CRYBG3: variants seen among roughly 807,000 people sequenced by gnomAD.
The protein encoded by CRYBG3 is very large A-kinase anchor protein.
In CRYBG3, 127 loss-of-function variants were observed where a neutral mutation model predicts 244.2. That is an observed-to-expected ratio of 0.52 (90% confidence interval 0.45 to 0.60). The LOEUF (loss-of-function observed/expected upper bound fraction) is 0.60, where lower values mean the gene tolerates loss of function less well. CRYBG3 is among the 20% of genes least tolerant of loss of function. The probability of loss-of-function intolerance (pLI) is 0.00; values close to 1 mark genes in which losing one functional copy is unlikely to be tolerated. For synonymous variants in CRYBG3, 1,132 were observed against 1,195.8 expected (o/e 0.95, Z 1.10); for missense variants, 3,325 against 3,442.5 (o/e 0.97, Z 0.85).
intron 8 of CRYBG3, among the ~76,000 whole-genome samples, chr3:97,887,670 C>A (rs190500711): frequency 6.6e-6 from 1 of 152,116 alleles, no homozygotes; most frequent in Admixed American, 6.6e-5. Flanking sequence ...GCAGGAGAAT[C>A]GCTTGAACCC....
chr3:97,922,574 G>C (rs1406948787), intron 17 of CRYBG3, among the ~76,000 whole-genome samples: 1 of 152,058 alleles, frequency 6.6e-6, no homozygotes, highest in African/African-American at 2.4e-5. Context: ...GCAGCCAATA[G>C]ACAAATGAAA....
intron 7 of CRYBG3, among the ~76,000 whole-genome samples, chr3:97,885,898 G>C (rs759577981): frequency 6.6e-6 from 1 of 152,198 alleles, no homozygotes; most frequent in Non-Finnish European, 1.5e-5. Flanking sequence ...TTGACTAGTG[G>C]TTGTAAGTAG....
chr3:97,829,514 C>T (rs1271865451), intron 1 of CRYBG3, among the ~76,000 whole-genome samples: 3 of 152,160 alleles, frequency 2.0e-5, no homozygotes, highest in Non-Finnish European at 4.4e-5. Flanking sequence ...TCAGCTTTAG[C>T]GTACCAGCCA....
In CRYBG3 at chr3:97,864,480, T is replaced by G; in HGVS notation, c.480T>G (p.Ser160Arg). 6.5e-7 allele frequency: 1 copy of G among 1,535,970 alleles called. No homozygotes were observed. Among genetic ancestry groups the G allele is most frequent in the Non-Finnish European group, 8.7e-7 (1 of 1,146,812 alleles). ...DKTEKDLQNP[S>R]DHHEDGIKRE... ...CTGAGAAGGATTTACAAAATCCCAG[T>G]GACCATCATGAAGACGGGATCAAAA... is the stretch of plus-strand genomic sequence containing the variant. Residue 160 changes from serine to arginine, a missense_variant, in exon 3 of 22, where the codon AGT (serine) becomes AGG (arginine). Transcript: ENST00000389622.
intron 11 of CRYBG3, among the ~76,000 whole-genome samples, chr3:97,893,928 C>A (rs2039610197): frequency 6.6e-6 from 1 of 152,062 alleles, no homozygotes; most frequent in African/African-American, 2.4e-5. Flanking sequence ...ATACTAGTCA[C>A]AATAAAAATG....
At chr3:97,823,352 A>G (rs903578551) in intron 1 of CRYBG3, among the ~76,000 whole-genome samples, 3 of 152,130 alleles carry the variant, frequency 2.0e-5, no homozygotes, top group Admixed American at 2.0e-4. Context: ...GGTGGGCTTA[A>G]AAAAAATGGA....
chr3:97,837,631 T>A (rs2038752713), intron 1 of CRYBG3, among the ~76,000 whole-genome samples: 1 of 152,100 alleles, frequency 6.6e-6, no homozygotes, highest in African/African-American at 2.4e-5. Context: ...AATGTCCCTG[T>A]GGACAGAGGG....
chr3:97,888,230 G>A lies in CRYBG3; in HGVS notation c.7290-111G>A, dbSNP rs575820253. The A allele has an allele frequency of 6.4e-5, 41 of 635,886 alleles. No individual in the cohort carries two copies. In the East Asian group the frequency reaches 1.0e-3, roughly 16 times the overall value. 39.4% of individuals were successfully genotyped at this position (635,886 alleles called of 1,614,324 possible). Reference sequence around the variant, plus strand: ...CTCACTTTGAGTGTGTTTTACTAGTGTAATTCTGTGATGGAGGATTTTGTT... The same window carrying A: ...CTCACTTTGAGTGTGTTTTACTAGTATAATTCTGTGATGGAGGATTTTGTT... On this transcript the variant is annotated intron_variant, in intron 8 of 21. Transcript: ENST00000389622.
Position 97,876,580 on chromosome 3 carries a change from A to G in CRYBG3, c.5386A>G (p.Ile1796Val). 1.6e-6 allele frequency: 2 copies of G among 1,232,610 alleles called. No homozygotes were observed. The highest frequency in any genetic ancestry group is 1.0e-6 in the Non-Finnish European group (1 of 988,302). The allele number at this position is 1,232,610 out of a possible 1,614,324, so 76.4% of individuals were successfully genotyped here. Residue 1796 changes from isoleucine to valine, a missense_variant, in exon 4 of 22, where the codon ATT (isoleucine) becomes GTT (valine). Physicochemically the swap from Ile to Val is conservative, Grantham distance 29. Transcript: ENST00000389622. The part of the protein sequence containing the change: ...ATYRKTAEEV[I>V]KNTEIVPCVL... Reference sequence around the variant, plus strand: ...TTACCGAAAGACTGCTGAAGAGGTCATTAAGAATACTGAAATAGTACCGTG... The same window carrying G: ...TTACCGAAAGACTGCTGAAGAGGTCGTTAAGAATACTGAAATAGTACCGTG...
At chr3:97,940,658 C>G (rs1559750393) in intron 19 of CRYBG3, among the ~76,000 whole-genome samples, 3 of 151,966 alleles carry the variant, frequency 2.0e-5, no homozygotes, top group Non-Finnish European at 4.4e-5. Flanking sequence ...CTTATATAAA[C>G]AAATAATCAC....
intron 18 of CRYBG3, 50 bp from the exon 19 acceptor site, chr3:97,936,735 A>AT (rs540868658): frequency 5.7e-4 from 886 of 1,561,732 alleles, no homozygotes; most frequent in African/African-American, 1.1e-3. Flanking sequence ...TTGATGAGGG[A>AT]TTTTTTTTTG....
At chr3:97,897,740 C>A (rs531618630) in intron 12 of CRYBG3, among the ~76,000 whole-genome samples, 1 of 152,084 alleles carries the variant, frequency 6.6e-6, no homozygotes, top group Admixed American at 6.6e-5. Flanking sequence ...TTTTTGCATA[C>A]AAGTTTCTCA....
chr3:97,883,453 T>A (rs998078375), intron 7 of CRYBG3, among the ~76,000 whole-genome samples: 9 of 151,982 alleles, frequency 5.9e-5, no homozygotes, highest in African/African-American at 2.2e-4. Flanking sequence ...AAAAAATGAG[T>A]AATATATGGC....
chr3:97,939,829 C>T (rs748801938), intron 19 of CRYBG3, among the ~76,000 whole-genome samples: 2 of 152,022 alleles, frequency 1.3e-5, no homozygotes, highest in Non-Finnish European at 2.9e-5. Context: ...AAGTAGAGAG[C>T]TTGTTCGCCT....
intron 2 of CRYBG3, among the ~76,000 whole-genome samples, chr3:97,851,567 GA>G (rs1374012659): frequency 1.3e-5 from 2 of 152,182 alleles, no homozygotes; most frequent in Non-Finnish European, 2.9e-5. Context: ...CCCAGCAGTG[GA>G]AATAGCATTC....
chr3:97,907,946 G>A (rs1209671263), intron 15 of CRYBG3, among the ~76,000 whole-genome samples: 1 of 151,914 alleles, frequency 6.6e-6, no homozygotes, highest in Non-Finnish European at 1.5e-5. Flanking sequence ...GGTATGTTGT[G>A]TCTTTGTTCC....
rs754930461 is a variant in CRYBG3, at chr3:97,877,968, T to A, written c.6774T>A (p.Ile2258=). ...AAAAAGGAGCCAGATTTGGTGGAATTTTTCAGGAACCAGTGTCAAAATATT... is the reference window on the plus strand; with the variant it reads ...AAAAAGGAGCCAGATTTGGTGGAATATTTCAGGAACCAGTGTCAAAATATT... The part of the protein sequence containing the change: ...SSEKGARFGG[I]FQEPVSKYFR... The change falls in exon 4 of 22, where the codon ATT becomes ATA. Residue 2258 remains isoleucine, a synonymous_variant. Coordinates refer to ENST00000389622, the MANE Select transcript of CRYBG3 (RefSeq NM_153605.4). 5.6e-6 allele frequency: 9 copies of A among 1,614,122 alleles called. No individual in the cohort carries two copies. The Admixed American group carries it at 1.5e-4, about 27-fold the overall frequency.
Position 97,875,115 on chromosome 3 carries a change from A to G in CRYBG3, c.3921A>G (p.Glu1307=), listed in dbSNP as rs966865038. The G allele has an allele frequency of 2.6e-5, 40 of 1,534,612 alleles. No homozygotes were observed. Among genetic ancestry groups the G allele is most frequent in the Non-Finnish European group, 3.4e-5 (39 of 1,146,036 alleles). ...GTTTGTTAGAAGATAAAGCTAGGGA[A>G]TTAGTCAATGAGATTATTTATGTAG... is the stretch of plus-strand genomic sequence containing the variant. ...VSCLLEDKAR[E]LVNEIIYVAQ... Residue 1307 remains glutamate (E), a synonymous_variant, in exon 4 of 22, where the codon GAA becomes GAG. Coordinates refer to ENST00000389622, the MANE Select transcript of CRYBG3 (RefSeq NM_153605.4).
Position 97,877,196 on chromosome 3 carries a change from T to A in CRYBG3, c.6002T>A (p.Ile2001Lys). Reference sequence around the variant, plus strand: ...GAACAAGAAAATTCTTCCTTTACTATATTATACGAAGAGCCCCTTCAAGAG... The same window carrying A: ...GAACAAGAAAATTCTTCCTTTACTAAATTATACGAAGAGCCCCTTCAAGAG... ...QDEQENSSFTILYEEPLQEED... is the reference protein window; with the variant it reads ...QDEQENSSFTKLYEEPLQEED... The change falls in exon 4 of 22, where the codon ATA (isoleucine) becomes AAA (lysine). Residue 2001 changes from isoleucine (I) to lysine (K), a missense_variant. Around this residue, in one of 4 missense-constraint regions of CRYBG3, gnomAD observed 450 missense variants for 424.1 expected, o/e 1.06. Transcript: ENST00000389622. The A allele has an allele frequency of 6.2e-7, 1 of 1,613,980 alleles. No homozygotes were observed. Among genetic ancestry groups the A allele is most frequent in the Non-Finnish European group, 8.5e-7 (1 of 1,179,876 alleles).
Sources: allele counts gnomAD v4.1 joint callset (sites outside exome capture counted in the v4.1 genomes callset), GRCh38; gene constraint gnomAD v4.1.1; regional missense constraint gnomAD v4.1.1; transcripts MANE v1.5; gene names NCBI Gene and HGNC (gene_info 2026-07-23, HGNC 2026-07-21).